Variants in PCDHGB7 observed in about 807,000 individuals in gnomAD.
The protein encoded by PCDHGB7 is protocadherin gamma-B7.
A neutral mutation model predicts 61.4 loss-of-function variants in PCDHGB7; 37 were observed. The ratio of observed to expected loss-of-function variants is 0.60; its 90% CI spans 0.46 to 0.79. PCDHGB7 has a LOEUF of 0.79. Among genes scored for constraint, PCDHGB7 ranks in the 30% least tolerant of loss-of-function variants. The pLI is 0.00. For missense variants in PCDHGB7, 1,166 were observed against 1,202.5 expected, an observed-to-expected ratio of 0.97 and a Z score of 0.45; for synonymous variants, 464 against 503.5, an observed-to-expected ratio of 0.92 and a Z score of 1.05.
At position 141,490,181 on chromosome 5, in the gene PCDHGB7, G is replaced by A. The variant is rs755899660; in HGVS notation, c.2416-4626G>A. ...GGTCCCATAGACTTTGAGGAGTCACGTTTCTATGAAATTCATGCAAGAGCC... is the reference window on the plus strand; with the variant it reads ...GGTCCCATAGACTTTGAGGAGTCACATTTCTATGAAATTCATGCAAGAGCC... On this transcript the variant is annotated intron_variant, in intron 1 of 3. Coordinates refer to ENST00000398594, the MANE Select transcript of PCDHGB7 (RefSeq NM_018927.4). This position sits in a 1 kb window ranked among gnomAD's most constrained non-coding sequence, Gnocchi z 5.4. The A allele has an allele frequency of 9.9e-6, 16 of 1,614,200 alleles. No homozygotes were observed. Among genetic ancestry groups the A allele is most frequent in the Middle Eastern group, 1.6e-4 (1 of 6,062 alleles).
At chr5:141,465,833 T>A (rs2099110537) in intron 1 of PCDHGB7, among the ~76,000 whole-genome samples, 1 of 152,002 alleles carries the variant, frequency 6.6e-6, no homozygotes, top group Non-Finnish European at 1.5e-5. Context: ...GTTTAAAATT[T>A]CAACTGAGGC....
chr5:141,433,358 CCTATCTAT>C lies in PCDHGB7; in HGVS notation c.2415+13125_2415+13132del, dbSNP rs3074541. On this transcript the variant is annotated intron_variant, in intron 1 of 3. Transcript: ENST00000398594. ...ACAGGTGCAAGCCACCTACTGTCTG[CCTATCTAT>C]CTATCTATCTATCTATCTATCTATC... is the stretch of plus-strand genomic sequence containing the variant. The C allele has an allele frequency of 7.0e-3, 3,504 of 501,060 alleles. 20 individuals carry two copies. The highest frequency in any genetic ancestry group is 7.9e-3 in the Non-Finnish European group (2,251 of 285,142). The allele number at this position is 501,060 out of a possible 1,614,324, so 31.0% of individuals were successfully genotyped here.
rs768648952 is a variant in PCDHGB7 at position 141,477,230 on chromosome 5, G to C, written c.2416-17577G>C. 6.2e-7 allele frequency: 1 copy of C among 1,614,046 alleles called. No homozygotes were observed. Among genetic ancestry groups the C allele is most frequent in the East Asian group, 2.2e-5 (1 of 44,890 alleles). ...GGATGCCCCTCTGGGGACTGTCATC[G>C]CTTTGCTCAGTGTGACTGACCTGGA... On this transcript the variant is annotated intron_variant, in intron 1 of 3. Transcript: ENST00000398594. The surrounding 1 kb of genome is among the most constrained non-coding windows in gnomAD (Gnocchi z 4.9).
chr5:141,479,860 C>T (rs1374284598), intron 1 of PCDHGB7, among the ~76,000 whole-genome samples: 2 of 152,108 alleles, frequency 1.3e-5, no homozygotes, highest in Admixed American at 6.5e-5. Context: ...AAGGCCTTTG[C>T]CCTGGAGAGA....
At chr5:141,460,961 ATGTGTG>A (rs35821115) in intron 1 of PCDHGB7, among the ~76,000 whole-genome samples, 6 of 144,616 alleles carry the variant, frequency 4.1e-5, no homozygotes, top group South Asian at 4.4e-4. Flanking sequence ...GTATATATAT[ATGTGTG>A]TGTGTGTGTG....
intron 1 of PCDHGB7, chr5:141,430,735 A>T (rs1255723102): frequency 6.7e-7 from 1 of 1,497,964 alleles, no homozygotes; most frequent in Non-Finnish European, 8.9e-7. Context: ...GGCAGAATTG[A>T]AAATAATTCT....
At chr5:141,430,301 C>G (rs985986465) in intron 1 of PCDHGB7, among the ~76,000 whole-genome samples, 2 of 150,982 alleles carry the variant, frequency 1.3e-5, no homozygotes, top group Non-Finnish European at 2.9e-5. Context: ...AGCAGATGCA[C>G]TAACATTATA....
In PCDHGB7 at chr5:141,511,406, G is replaced by C; in HGVS notation, c.*233G>C. The C allele has an allele frequency of 1.1e-6, 1 of 942,018 alleles. No individual in the cohort carries two copies. The highest frequency in any genetic ancestry group is 1.7e-5 in the African/African-American group (1 of 60,280). The allele number at this position is 942,018 out of a possible 1,614,324, so 58.4% of individuals were successfully genotyped here. ...GCTGGGAACCCCCATCCAATCAACT[G>C]CTGTACCCATGGGGGTAGTGGGGTT... On this transcript the variant is annotated 3_prime_UTR_variant, in exon 4 of 4. Coordinates refer to ENST00000398594, the MANE Select transcript of PCDHGB7 (RefSeq NM_018927.4).
At chr5:141,420,713 G>T (rs1406572601) in intron 1 of PCDHGB7, among the ~76,000 whole-genome samples, 1 of 152,078 alleles carries the variant, frequency 6.6e-6, no homozygotes, top group African/African-American at 2.4e-5. Flanking sequence ...CAGAAATGTC[G>T]TTCCTTTCAG....
In PCDHGB7 at chr5:141,489,098, T is replaced by C; in HGVS notation, c.2416-5709T>C. 1 of 293,346 alleles carries C rather than the reference T, an allele frequency of 3.4e-6. No homozygotes were observed. The highest frequency in any genetic ancestry group is 5.5e-5 in the South Asian group (1 of 18,124). The allele number at this position is 293,346 out of a possible 1,614,324, so 18.2% of individuals were successfully genotyped here. A position where few individuals can be genotyped will look rare whatever the true frequency, so the allele number is the denominator to read the frequency against. ...CCCCCGCCACTCGGTGACTAAGAAC[T>C]GCTGCAAGCAGGCAAACCTCCGAGC... On this transcript the variant is annotated intron_variant, in intron 1 of 3. Transcript: ENST00000398594. The surrounding 1 kb of genome is among the most constrained non-coding windows in gnomAD (Gnocchi z 4.5).
chr5:141,428,131 G>T, intron 1 of PCDHGB7: 1 of 1,602,720 alleles, frequency 6.2e-7, no homozygotes, highest in Non-Finnish European at 8.5e-7. Flanking sequence ...GGGCTTTTCA[G>T]CCTGGGGCTG....
In PCDHGB7 at chr5:141,431,213, TTCCC is replaced by T. The variant is rs1373533151; in HGVS notation, c.2415+10942_2415+10945del. 1 of 1,614,142 alleles carries T rather than the reference TTCCC, an allele frequency of 6.2e-7. No homozygotes were observed. Among genetic ancestry groups the T allele is most frequent in the Admixed American group, 1.7e-5 (1 of 60,020 alleles). On this transcript the variant is annotated intron_variant, in intron 1 of 3. Transcript: ENST00000398594. This position sits in a 1 kb window ranked among gnomAD's most constrained non-coding sequence, Gnocchi z 4.8. ...TGAAAATGCAGCCACTGAGATGCGGTTCCCTCTACCCCACGCCTGGGATCCGGAT... is the reference window on the plus strand; with the variant it reads ...TGAAAATGCAGCCACTGAGATGCGGTTCTACCCCACGCCTGGGATCCGGAT...
intron 1 of PCDHGB7, among the ~76,000 whole-genome samples, chr5:141,451,032 A>G: frequency 6.6e-6 from 1 of 150,486 alleles, no homozygotes; most frequent in Non-Finnish European, 1.5e-5. Context: ...GTTTCACCAT[A>G]TTGGCCAGGC....
intron 1 of PCDHGB7, among the ~76,000 whole-genome samples, chr5:141,462,493 A>G (rs1432919197): frequency 2.0e-5 from 3 of 152,144 alleles, no homozygotes; most frequent in South Asian, 4.1e-4. Context: ...GTTGTATCCT[A>G]TAATTGTCAA....
intron 1 of PCDHGB7, among the ~76,000 whole-genome samples, chr5:141,424,889 G>A (rs1173725674): frequency 6.6e-6 from 1 of 152,090 alleles, no homozygotes; most frequent in Non-Finnish European, 1.5e-5. Flanking sequence ...ACTTATCTAG[G>A]GTTTTTGATC....
In PCDHGB7 at chr5:141,435,253, G is replaced by A. The variant is rs2097754974; in HGVS notation, c.2415+14979G>A. Among the ~76,000 whole-genome samples the A allele has an allele frequency of 1.3e-5, 2 of 152,064 alleles. 1 individual carries two copies. The highest frequency in any genetic ancestry group is 3.9e-4 in the East Asian group (2 of 5,184). On this transcript the variant is annotated intron_variant, in intron 1 of 3. Transcript: ENST00000398594. ...TTCAGTAATTCTTTCTGGCCATTAG[G>A]GATATGTCCATTTATACTTTCTCAG...
intron 1 of PCDHGB7, chr5:141,430,688 A>G: frequency 1.4e-6 from 2 of 1,402,360 alleles, no homozygotes; most frequent in Non-Finnish European, 1.9e-6. Context: ...GTCCCATTCT[A>G]TGGGCGAAGG....
chr5:141,436,743 C>A (rs991678215), intron 1 of PCDHGB7, among the ~76,000 whole-genome samples: 3 of 152,158 alleles, frequency 2.0e-5, no homozygotes, highest in Non-Finnish European at 4.4e-5. Flanking sequence ...TTTTTGTGTG[C>A]TTCTCCATAT....
At chr5:141,479,930 T>C (rs1355410974) in intron 1 of PCDHGB7, among the ~76,000 whole-genome samples, 15 of 152,218 alleles carry the variant, frequency 9.9e-5, no homozygotes, top group Non-Finnish European at 1.9e-4. Context: ...CAGTGCATCA[T>C]TGCTATCAAC....
Sources: allele counts gnomAD v4.1 joint callset (sites outside exome capture counted in the v4.1 genomes callset), GRCh38; gene constraint gnomAD v4.1.1; non-coding constraint Gnocchi (gnomAD v3.1); transcripts MANE v1.5; gene names NCBI Gene and HGNC (gene_info 2026-07-23, HGNC 2026-07-21).